Variants in LHFPL3 observed in about 807,000 individuals in gnomAD.
LHFPL3 encodes the protein LHFPL tetraspan subfamily member 3 protein.
In LHFPL3, 5 loss-of-function variants were observed where a neutral mutation model predicts 19.3. That is an observed-to-expected ratio of 0.26 (90% CI 0.14 to 0.54). The LOEUF (loss-of-function observed/expected upper bound fraction) is 0.54, where lower values mean the gene tolerates loss of function less well. LHFPL3 is among the 20% of genes least tolerant of loss of function. The pLI is 0.94. For missense variants in LHFPL3, 249 were observed against 307.4 expected (o/e 0.81, Z 1.42); for synonymous variants, 133 against 126.2 (o/e 1.05, Z -0.36).
chr7:104,578,724 G>C (rs1302984906), intron 1 of LHFPL3, among the ~76,000 whole-genome samples: 2 of 152,058 alleles, frequency 1.3e-5, no homozygotes, highest in African/African-American at 4.8e-5. Flanking sequence ...AACCAGTAAG[G>C]ACCACTATAC....
chr7:104,436,853 G>A (rs1324616523), intron 1 of LHFPL3, among the ~76,000 whole-genome samples: 1 of 152,146 alleles, frequency 6.6e-6, no homozygotes, highest in Non-Finnish European at 1.5e-5. Context: ...TTTGTATTAA[G>A]TGATTCCTAC....
intron 1 of LHFPL3, among the ~76,000 whole-genome samples, chr7:104,606,285 C>A (rs372883435): frequency 2.0e-4 from 31 of 152,314 alleles, no homozygotes; most frequent in African/African-American, 7.5e-4. Context: ...TGACAGAGAG[C>A]AGCGAGTAAG....
chr7:104,611,062 T>G (rs545111465), intron 1 of LHFPL3, among the ~76,000 whole-genome samples: 17 of 152,212 alleles, frequency 1.1e-4, no homozygotes, highest in African/African-American at 4.1e-4. Context: ...AAACAAAGCA[T>G]CTCTCAGATG....
At chr7:104,457,583 A>G (rs1792573055) in intron 1 of LHFPL3, among the ~76,000 whole-genome samples, 2 of 149,772 alleles carry the variant, frequency 1.3e-5, no homozygotes, top group African/African-American at 4.9e-5. Context: ...ATACGTGTGC[A>G]TGTGTCTTTA....
chr7:104,755,572 C>CT (rs1794267125), intron 2 of LHFPL3, among the ~76,000 whole-genome samples: 1 of 139,380 alleles, frequency 7.2e-6, no homozygotes, highest in Non-Finnish European at 1.6e-5. Flanking sequence ...TCCCCCAACC[C>CT]CCAACACCAC....
intron 1 of LHFPL3, among the ~76,000 whole-genome samples, chr7:104,626,837 A>G (rs1318120410): frequency 1.3e-5 from 2 of 152,176 alleles, no homozygotes; most frequent in African/African-American, 4.8e-5. Flanking sequence ...GTGCATCTTG[A>G]AGTCAACATC....
At chr7:104,557,976 A>C (rs1001024624) in intron 1 of LHFPL3, among the ~76,000 whole-genome samples, 2 of 150,400 alleles carry the variant, frequency 1.3e-5, no homozygotes, top group African/African-American at 5.0e-5. Context: ...ATGATTTCCA[A>C]TTTCATCCAT....
chr7:104,856,129 C>A (rs1217504184), intron 2 of LHFPL3, among the ~76,000 whole-genome samples: 2 of 152,014 alleles, frequency 1.3e-5, no homozygotes, highest in South Asian at 2.1e-4. Context: ...GGGAGTTTCT[C>A]AAAGGAGGCC....
intron 1 of LHFPL3, among the ~76,000 whole-genome samples, chr7:104,329,939 A>C (rs896551623): frequency 6.6e-6 from 1 of 152,214 alleles, no homozygotes; most frequent in Non-Finnish European, 1.5e-5. Flanking sequence ...TTAGTAAATC[A>C]AGATTCCTCA....
At chr7:104,666,509 A>ATTTTTTTTT (rs1315147894) in intron 1 of LHFPL3, among the ~76,000 whole-genome samples, 6 of 44,160 alleles carry the variant, frequency 1.4e-4, no homozygotes, top group Admixed American at 3.2e-4. Context: ...ACAGGATTTC[A>ATTTTTTTTT]TTCTTTTTTT....
intron 2 of LHFPL3, among the ~76,000 whole-genome samples, chr7:104,808,122 C>T (rs1790401144): frequency 6.6e-6 from 1 of 152,158 alleles, no homozygotes; most frequent in Non-Finnish European, 1.5e-5. Flanking sequence ...CCCCCATCAG[C>T]CACACTCTTC....
chr7:104,505,862 C>T (rs898480684), intron 1 of LHFPL3, among the ~76,000 whole-genome samples: 2 of 152,154 alleles, frequency 1.3e-5, no homozygotes, highest in Non-Finnish European at 2.9e-5. Context: ...TTTCCAAGGT[C>T]ATAGGTATAG....
At chr7:104,426,238 CTGTTTGTTTGTT>C (rs112112531) in intron 1 of LHFPL3, among the ~76,000 whole-genome samples, 1,612 of 151,692 alleles carry the variant, frequency 0.011, 18 homozygotes, top group Admixed American at 0.02. Context: ...ACACTATGTT[CTGTTTGTTTGTT>C]TGTTTGTTTG....
At chr7:104,593,736 A>C (rs1050447864) in intron 1 of LHFPL3, among the ~76,000 whole-genome samples, 5 of 152,166 alleles carry the variant, frequency 3.3e-5, no homozygotes, top group Admixed American at 1.3e-4. Flanking sequence ...TATTGGGTGC[A>C]TATATATTTA....
chr7:104,827,043 C>G (rs150590538), intron 2 of LHFPL3, among the ~76,000 whole-genome samples: 3 of 152,040 alleles, frequency 2.0e-5, no homozygotes, highest in African/African-American at 7.3e-5. Context: ...GGGACCCCAT[C>G]ACCTATTTTT....
At chr7:104,668,807 C>A (rs1213801713) in intron 1 of LHFPL3, 71 of 1,602,050 alleles carry the variant, frequency 4.4e-5, no homozygotes, top group Non-Finnish European at 5.9e-5. Flanking sequence ...CCAGTCCACT[C>A]GAGCTGCTTC....
At position 104,882,788 on chromosome 7, in the gene LHFPL3, A is replaced by C. The variant is rs1303244532; in HGVS notation, c.683-23399A>C. On this transcript the variant is annotated intron_variant, in intron 2 of 2. Transcript: ENST00000424859. ...TTAAGAGGTGTTTTATGATATGTGA[A>C]TTATGTCTCAATAAAGCTGTTATTT... Among the ~76,000 whole-genome samples the C allele has an allele frequency of 2.0e-4, 31 of 152,154 alleles. 1 individual carries two copies. The highest frequency in any genetic ancestry group is 2.9e-5 in the Non-Finnish European group (2 of 68,028).
intron 1 of LHFPL3, among the ~76,000 whole-genome samples, chr7:104,590,030 C>A (rs908983311): frequency 3.3e-5 from 5 of 152,120 alleles, no homozygotes; most frequent in Admixed American, 3.3e-4. Flanking sequence ...TGCTAGCGGT[C>A]TATCAATTTT....
chr7:104,764,446 T>A (rs1225186525), intron 2 of LHFPL3, among the ~76,000 whole-genome samples: 1 of 152,092 alleles, frequency 6.6e-6, no homozygotes, highest in African/African-American at 2.4e-5. Context: ...GCTAGGATTA[T>A]AGGCATGAGC....
Sources: allele counts gnomAD v4.1 joint callset (sites outside exome capture counted in the v4.1 genomes callset), GRCh38; gene constraint gnomAD v4.1.1; transcripts MANE v1.5; gene names NCBI Gene and HGNC (gene_info 2026-07-23, HGNC 2026-07-21).